GPC6: variants seen among roughly 807,000 people sequenced by gnomAD.
GPC6 encodes the protein glypican-6.
A neutral mutation model predicts 55.2 loss-of-function variants in GPC6; 14 were observed. The ratio of observed to expected loss-of-function variants is 0.25; its 90% CI spans 0.17 to 0.40. The LOEUF is 0.40. Ranked by LOEUF, GPC6 falls within the 10% of genes least tolerant of loss-of-function variation. GPC6 has a pLI of 1.00. For synonymous variants in GPC6, 278 were observed against 259.6 expected, an observed-to-expected ratio of 1.07 and a Z score of -0.68; for missense variants, 641 against 708.5, an observed-to-expected ratio of 0.90 and a Z score of 1.08.
intron 1 of GPC6, among the ~76,000 whole-genome samples, chr13:93,326,614 T>C (rs930824526): frequency 3.3e-5 from 5 of 152,182 alleles, no homozygotes; most frequent in Admixed American, 3.3e-4. Flanking sequence ...AATCTCTAGG[T>C]CATCTGGAAA....
At chr13:93,853,567 TA>T (rs546245713) in intron 3 of GPC6, among the ~76,000 whole-genome samples, 34 of 151,384 alleles carry the variant, frequency 2.2e-4, no homozygotes, top group African/African-American at 6.0e-4. Context: ...GAGACAGAAA[TA>T]AAAAAAATAT....
intron 1 of GPC6, among the ~76,000 whole-genome samples, chr13:93,359,767 G>C (rs569459737): frequency 2.0e-5 from 3 of 152,272 alleles, no homozygotes; most frequent in South Asian, 2.1e-4. Flanking sequence ...CTGGAGGAAG[G>C]CAAGGTAAGT....
intron 3 of GPC6, among the ~76,000 whole-genome samples, chr13:93,874,295 G>A (rs1453277725): frequency 2.0e-5 from 3 of 151,812 alleles, no homozygotes; most frequent in Admixed American, 6.6e-5. Context: ...GTGAGAACAT[G>A]CACTATTTGG....
At chr13:93,979,349 T>G (rs1244444928) in intron 3 of GPC6, among the ~76,000 whole-genome samples, 1 of 149,380 alleles carries the variant, frequency 6.7e-6, no homozygotes, top group Admixed American at 6.7e-5. Flanking sequence ...GTGTGTGTTT[T>G]TTTTAATTTT....
intron 1 of GPC6, among the ~76,000 whole-genome samples, chr13:93,538,888 G>A (rs541578534): frequency 6.6e-6 from 1 of 151,606 alleles, no homozygotes; most frequent in Non-Finnish European, 1.5e-5. Flanking sequence ...AAATACTCAT[G>A]GGTATGTAAA....
chr13:93,968,869 A>G (rs1259709963), intron 3 of GPC6, among the ~76,000 whole-genome samples: 1 of 152,194 alleles, frequency 6.6e-6, no homozygotes, highest in Non-Finnish European at 1.5e-5. Flanking sequence ...GGATCAATAT[A>G]GAATTATTTG....
intron 3 of GPC6, among the ~76,000 whole-genome samples, chr13:93,921,348 G>A (rs950247086): frequency 6.6e-6 from 1 of 152,276 alleles, no homozygotes; most frequent in Admixed American, 6.5e-5. Flanking sequence ...GCTGTCTGCT[G>A]ACGGCTTAAG....
intron 2 of GPC6, among the ~76,000 whole-genome samples, chr13:93,716,260 TATAAAAA>T (rs1255388190): frequency 1.3e-5 from 2 of 151,780 alleles, no homozygotes; most frequent in Admixed American, 1.3e-4. Flanking sequence ...ACCTCCTACT[TATAAAAA>T]ATAAAAGTTA....
chr13:94,089,073 G>A (rs890914342), intron 4 of GPC6, among the ~76,000 whole-genome samples: 3 of 152,114 alleles, frequency 2.0e-5, no homozygotes, highest in African/African-American at 7.2e-5. Flanking sequence ...ATGAAAGTTG[G>A]CACCAAGAAG....
At chr13:94,155,090 G>C (rs1593995541) in intron 4 of GPC6, among the ~76,000 whole-genome samples, 1 of 152,140 alleles carries the variant, frequency 6.6e-6, no homozygotes, top group African/African-American at 2.4e-5. Context: ...TAACTACCAA[G>C]AATTTCCACT....
intron 1 of GPC6, among the ~76,000 whole-genome samples, chr13:93,364,331 G>A (rs1438586482): frequency 6.6e-6 from 1 of 152,072 alleles, no homozygotes; most frequent in African/African-American, 2.4e-5. Context: ...GAACAGTAAA[G>A]TTCATGGAGA....
chr13:93,834,513 G>A (rs1302845490), intron 3 of GPC6, among the ~76,000 whole-genome samples: 1 of 152,028 alleles, frequency 6.6e-6, no homozygotes, highest in Non-Finnish European at 1.5e-5. Context: ...GATGAAGGAG[G>A]GATACATAGA....
At chr13:94,273,515 A>G (rs1020038776) in intron 4 of GPC6, among the ~76,000 whole-genome samples, 1 of 152,164 alleles carries the variant, frequency 6.6e-6, no homozygotes, top group Non-Finnish European at 1.5e-5. Context: ...ATAGGACAAA[A>G]AATGCTTTGT....
intron 5 of GPC6, among the ~76,000 whole-genome samples, chr13:94,291,140 C>G (rs1361991663): frequency 6.6e-6 from 1 of 151,798 alleles, no homozygotes; most frequent in Non-Finnish European, 1.5e-5. Context: ...TTGCAGTGAG[C>G]CAAGATTGCA....
chr13:94,325,272 C>T (rs1470190176), intron 6 of GPC6, among the ~76,000 whole-genome samples: 1 of 152,116 alleles, frequency 6.6e-6, no homozygotes, highest in Non-Finnish European at 1.5e-5. Context: ...TATGATGAAG[C>T]CTGGAGAAGA....
chr13:93,707,467 G>C (rs74653227), intron 2 of GPC6, among the ~76,000 whole-genome samples: 7,913 of 151,630 alleles, frequency 0.052, 693 homozygotes, highest in African/African-American at 0.18. Flanking sequence ...AGAAAAATTG[G>C]ATGGTAGGCA....
intron 3 of GPC6, among the ~76,000 whole-genome samples, chr13:93,932,297 C>G (rs985833101): frequency 1.3e-5 from 2 of 151,864 alleles, no homozygotes; most frequent in Non-Finnish European, 2.9e-5. Context: ...TAATTAGCAC[C>G]GATGGTAACA....
chr13:94,257,540 G>A (rs1486184584), intron 4 of GPC6, among the ~76,000 whole-genome samples: 1 of 152,126 alleles, frequency 6.6e-6, no homozygotes, highest in African/African-American at 2.4e-5. Flanking sequence ...AACCCCACAA[G>A]TATTTCTGTC....
rs184006929 is a variant in GPC6 at position 93,418,456 on chromosome 13, C to T, written c.161-126807C>T. ...GTATTACTTTATTAATAGCACTATA[C>T]TGTAGTATTACTTTATTAATAGCAG... On this transcript the variant is annotated intron_variant, in intron 1 of 8. Coordinates refer to ENST00000377047, the MANE Select transcript of GPC6 (RefSeq NM_005708.5). Among the ~76,000 whole-genome samples, 430 of 151,256 alleles carry T rather than the reference C, an allele frequency of 2.8e-3. 1 individual carries two copies. Among genetic ancestry groups the T allele is most frequent in the South Asian group, 4.6e-3 (22 of 4,802 alleles).
Sources: allele counts gnomAD v4.1 joint callset (sites outside exome capture counted in the v4.1 genomes callset), GRCh38; gene constraint gnomAD v4.1.1; transcripts MANE v1.5; gene names NCBI Gene and HGNC (gene_info 2026-07-23, HGNC 2026-07-21).